PDZRN3: variants seen among roughly 807,000 people sequenced by gnomAD.
PDZRN3 encodes the protein E3 ubiquitin-protein ligase PDZRN3.
A neutral mutation model predicts 85.7 loss-of-function variants in PDZRN3; 38 were observed. The observed-to-expected ratio is 0.44, with a 90% confidence interval of 0.34 to 0.58. The LOEUF is 0.58. Among genes scored for constraint, PDZRN3 ranks in the 20% least tolerant of loss-of-function variants. PDZRN3 has a pLI of 0.01. For missense variants in PDZRN3, 1,629 were observed against 1,506.4 expected, an observed-to-expected ratio of 1.08 and a Z score of -1.35; for synonymous variants, 759 against 638.0, an observed-to-expected ratio of 1.19 and a Z score of -2.86.
intron 3 of PDZRN3, among the ~76,000 whole-genome samples, chr3:73,408,576 G>T (rs1575630187): frequency 6.7e-6 from 1 of 149,070 alleles, no homozygotes; most frequent in African/African-American, 2.6e-5. Flanking sequence ...CTCGAGTTGG[G>T]ATTCTTGGAG....
rs550029791 is a variant in PDZRN3, at chr3:73,384,017, G to A, written c.2549C>T (p.Thr850Met). 4 of 1,591,538 alleles carry A rather than the reference G, an allele frequency of 2.5e-6. No individual in the cohort carries two copies. The highest frequency in any genetic ancestry group is 2.3e-5 in the South Asian group (2 of 87,438). The change falls in exon 10 of 10, where the codon ACG (threonine) becomes ATG (methionine). Residue 850 changes from threonine (T) to methionine (M), a missense_variant. Physicochemically the swap from Thr to Met is moderately conservative, Grantham distance 81 (BLOSUM62 -1). Transcript: ENST00000263666. ...RRASDGSRSPTPSQKLGSAYL... is the reference protein window; with the variant it reads ...RRASDGSRSPMPSQKLGSAYL... ...GGCGCTGCCCAGCTTCTGGCTGGGC[G>A]TGGGGCTCCGGCTCCCGTCGCTGGC...
At chr3:73,403,147 C>T (rs777680493) in intron 4 of PDZRN3, among the ~76,000 whole-genome samples, 14 of 152,060 alleles carry the variant, frequency 9.2e-5, no homozygotes, top group East Asian at 3.9e-4. Flanking sequence ...GGGGTTTCAC[C>T]GTGTTAACCA....
chr3:73,576,894 A>G (rs931821682), intron 3 of PDZRN3, among the ~76,000 whole-genome samples: 3 of 152,214 alleles, frequency 2.0e-5, no homozygotes, highest in African/African-American at 7.2e-5. Context: ...AGTAAAAAAA[A>G]AATAACACAT....
intron 3 of PDZRN3, among the ~76,000 whole-genome samples, chr3:73,572,681 G>C (rs1702061694): frequency 6.6e-6 from 1 of 152,184 alleles, no homozygotes. Context: ...GAGCAGCACT[G>C]TCCAGAGACA....
intron 3 of PDZRN3, among the ~76,000 whole-genome samples, chr3:73,573,830 T>TACAC (rs1473229821): frequency 4.1e-4 from 3 of 7,352 alleles, no homozygotes; most frequent in African/African-American, 1.8e-3. Context: ...TACATATACA[T>TACAC]ATACATATAC....
At chr3:73,500,897 C>T (rs1559711016) in intron 3 of PDZRN3, among the ~76,000 whole-genome samples, 1 of 152,146 alleles carries the variant, frequency 6.6e-6, no homozygotes, top group Non-Finnish European at 1.5e-5. Context: ...AACTCTTCTG[C>T]TCATGTTGAG....
At chr3:73,489,934 T>A (rs965791228) in intron 3 of PDZRN3, among the ~76,000 whole-genome samples, 1 of 152,132 alleles carries the variant, frequency 6.6e-6, no homozygotes, top group Non-Finnish European at 1.5e-5. Context: ...CTCTCAGGCA[T>A]CTAAACCCAC....
intron 3 of PDZRN3, among the ~76,000 whole-genome samples, chr3:73,458,659 C>T (rs1703037323): frequency 6.6e-6 from 1 of 150,594 alleles, no homozygotes; most frequent in Admixed American, 6.7e-5. Context: ...GTTCTCACAC[C>T]TCTATGAAGA....
chr3:73,458,638 T>A (rs1232100942), intron 3 of PDZRN3, among the ~76,000 whole-genome samples: 1 of 150,142 alleles, frequency 6.7e-6, no homozygotes, highest in Non-Finnish European at 1.5e-5. Context: ...CATTTTGAGT[T>A]GTATTAGTCC....
intron 3 of PDZRN3, among the ~76,000 whole-genome samples, chr3:73,587,452 C>T (rs909757369): frequency 7.2e-5 from 11 of 151,980 alleles, no homozygotes; most frequent in East Asian, 1.9e-4. Context: ...ATGCTTAGGC[C>T]GCACGACGGA....
intron 3 of PDZRN3, among the ~76,000 whole-genome samples, chr3:73,483,821 G>A (rs73096480): frequency 0.047 from 7,179 of 152,224 alleles, 215 homozygotes; most frequent in South Asian, 0.15. Context: ...GGGCAGAGCC[G>A]GCTACAGTGG....
intron 3 of PDZRN3, among the ~76,000 whole-genome samples, chr3:73,461,202 T>A (rs952314059): frequency 6.6e-6 from 1 of 152,240 alleles, no homozygotes; most frequent in Admixed American, 6.5e-5. Flanking sequence ...TAGGAAGTGG[T>A]TGAAAATCTA....
intron 3 of PDZRN3, among the ~76,000 whole-genome samples, chr3:73,524,096 A>T (rs1449544948): frequency 6.6e-6 from 1 of 152,216 alleles, no homozygotes; most frequent in Non-Finnish European, 1.5e-5. Flanking sequence ...CACTATATTC[A>T]GGGTATTTGG....
intron 3 of PDZRN3, among the ~76,000 whole-genome samples, chr3:73,436,091 C>T (rs565798794): frequency 6.6e-6 from 1 of 152,284 alleles, no homozygotes; most frequent in Admixed American, 6.5e-5. Flanking sequence ...AATGAAGCCT[C>T]CTTAGAAAAG....
intron 3 of PDZRN3, among the ~76,000 whole-genome samples, chr3:73,439,472 T>A (rs550938610): frequency 4.6e-5 from 7 of 152,208 alleles, no homozygotes; most frequent in African/African-American, 1.7e-4. Flanking sequence ...GTTTAGTCAC[T>A]CGTGAACCCT....
chr3:73,523,941 C>G (rs886752419), intron 3 of PDZRN3, among the ~76,000 whole-genome samples: 7 of 152,194 alleles, frequency 4.6e-5, no homozygotes, highest in African/African-American at 1.7e-4. Context: ...CCAAAGCATT[C>G]TGTAAAAGGA....
intron 3 of PDZRN3, among the ~76,000 whole-genome samples, chr3:73,597,398 G>T (rs1424590797): frequency 6.6e-6 from 1 of 152,150 alleles, no homozygotes; most frequent in African/African-American, 2.4e-5. Flanking sequence ...ATATCCTCGG[G>T]TCTTCAAATC....
chr3:73,505,387 T>A (rs1427778989), intron 3 of PDZRN3, among the ~76,000 whole-genome samples: 1 of 152,224 alleles, frequency 6.6e-6, no homozygotes, highest in East Asian at 1.9e-4. Flanking sequence ...AAGATTTTTG[T>A]TATTGTTTTA....
At chr3:73,590,192 C>T (rs569882083) in intron 3 of PDZRN3, among the ~76,000 whole-genome samples, 10 of 139,538 alleles carry the variant, frequency 7.2e-5, no homozygotes, top group South Asian at 2.4e-4. Flanking sequence ...TCGCTTGAAC[C>T]GGGGAAGCAG....
Sources: allele counts gnomAD v4.1 joint callset (sites outside exome capture counted in the v4.1 genomes callset), GRCh38; gene constraint gnomAD v4.1.1; transcripts MANE v1.5; gene names NCBI Gene and HGNC (gene_info 2026-07-23, HGNC 2026-07-21).